CDKAL1: variants seen among roughly 807,000 people sequenced by gnomAD.
CDKAL1 encodes the protein CDKAL1 threonylcarbamoyladenosine tRNA methylthiotransferase.
A neutral mutation model predicts 68.2 loss-of-function variants in CDKAL1; 32 were observed. The ratio of observed to expected loss-of-function variants is 0.47; its 90% CI spans 0.35 to 0.63. CDKAL1 has a LOEUF of 0.63. Among genes scored for constraint, CDKAL1 ranks in the 30% least tolerant of loss-of-function variants. The pLI is 0.00. For synonymous variants in CDKAL1, 234 were observed against 244.3 expected (o/e 0.96, Z 0.39); for missense variants, 606 against 696.7 (o/e 0.87, Z 1.47).
At chr6:21,060,174 G>A (rs1771069401) in intron 11 of CDKAL1, among the ~76,000 whole-genome samples, 1 of 152,138 alleles carries the variant, frequency 6.6e-6, no homozygotes, top group Admixed American at 6.5e-5. Flanking sequence ...GGGTGGTTTT[G>A]TTTTGTGTTG....
chr6:20,536,323 A>G (rs527774067), intron 2 of CDKAL1, among the ~76,000 whole-genome samples: 4 of 152,278 alleles, frequency 2.6e-5, no homozygotes, highest in South Asian at 2.1e-4. Context: ...CTACTCTAAC[A>G]TCATAAAGAT....
At chr6:20,988,182 A>ATG (rs58720900) in intron 10 of CDKAL1, among the ~76,000 whole-genome samples, 5,275 of 137,424 alleles carry the variant, frequency 0.038, 147 homozygotes, top group African/African-American at 0.076. Context: ...GAAACATAAT[A>ATG]TGTGTGTGTG....
chr6:20,565,322 A>G (rs1317560611), intron 4 of CDKAL1, among the ~76,000 whole-genome samples: 2 of 152,056 alleles, frequency 1.3e-5, no homozygotes, highest in African/African-American at 4.8e-5. Flanking sequence ...AAAAGTAGGG[A>G]CTATTTTGAG....
rs77876355 is a variant in CDKAL1, at chr6:20,808,327, T to A, written c.638+27062T>A. Among the ~76,000 whole-genome samples, 115 of 152,306 alleles carry A rather than the reference T, an allele frequency of 7.6e-4. No individual in the cohort carries two copies. In the East Asian group the frequency reaches 9.1e-3, roughly 12 times the overall value. On this transcript the variant is annotated intron_variant, in intron 8 of 15. Coordinates refer to ENST00000274695, the MANE Select transcript of CDKAL1 (RefSeq NM_017774.3). Reference sequence around the variant, plus strand: ...GTTGTCAATGAAAAGCTTATGGTAATTGTTTTCACTCTTATTATGTAAGTA... The same window carrying A: ...GTTGTCAATGAAAAGCTTATGGTAAATGTTTTCACTCTTATTATGTAAGTA...
intron 7 of CDKAL1, among the ~76,000 whole-genome samples, chr6:20,780,119 A>G (rs4074058): frequency 0.38 from 55,455 of 147,412 alleles, 10,636 homozygotes; most frequent in Non-Finnish European, 0.42. Flanking sequence ...AAAAAAAAAA[A>G]AGACAAAATG....
intron 9 of CDKAL1, among the ~76,000 whole-genome samples, chr6:20,853,340 C>T (rs1759120265): frequency 6.7e-6 from 1 of 149,526 alleles, no homozygotes. Flanking sequence ...AAGATCGTGC[C>T]ACTGCACTCC....
rs1561963106 is a variant in CDKAL1 at position 20,609,303 on chromosome 6, C to CTTCTCCTTCTTCTCCTT, written c.287-39990_287-39989insTTCTCCTTCTTCTCCTT. On this transcript the variant is annotated intron_variant, in intron 4 of 15. Coordinates refer to ENST00000274695, the MANE Select transcript of CDKAL1 (RefSeq NM_017774.3). ...TCCTTCTCCTTCTTCTCCTTCTCCT[C>CTTCTCCTTCTTCTCCTT]CTCCTCCTCCCCCCTCCTCTCTCCC... is the stretch of plus-strand genomic sequence containing the variant. Among the ~76,000 whole-genome samples, 7 of 27,824 alleles carry CTTCTCCTTCTTCTCCTT rather than the reference C, an allele frequency of 2.5e-4. No individual in the cohort carries two copies. In the Admixed American group the frequency reaches 3.3e-3, roughly 13 times the overall value. 18.3% of individuals were successfully genotyped at this position (27,824 alleles called of 152,430 possible).
chr6:20,768,186 C>G (rs1216163721), intron 7 of CDKAL1, among the ~76,000 whole-genome samples: 1 of 152,156 alleles, frequency 6.6e-6, no homozygotes, highest in Non-Finnish European at 1.5e-5. Context: ...TTGATTGAGA[C>G]TATGAAGAGC....
At chr6:21,158,477 G>A (rs1236227489) in intron 13 of CDKAL1, among the ~76,000 whole-genome samples, 1 of 152,174 alleles carries the variant, frequency 6.6e-6, no homozygotes, top group Non-Finnish European at 1.5e-5. Flanking sequence ...GTGGGTTGGA[G>A]GGGACTCAAA....
At chr6:20,779,233 C>A (rs923853319) in intron 7 of CDKAL1, among the ~76,000 whole-genome samples, 1 of 152,162 alleles carries the variant, frequency 6.6e-6, no homozygotes, top group Non-Finnish European at 1.5e-5. Flanking sequence ...GCAGTTGTTT[C>A]TTAAAATGTT....
chr6:20,743,511 A>T (rs972240723), intron 6 of CDKAL1, among the ~76,000 whole-genome samples: 1 of 152,206 alleles, frequency 6.6e-6, no homozygotes, highest in Non-Finnish European at 1.5e-5. Flanking sequence ...AATTACTACC[A>T]TCATAACATG....
At chr6:20,745,563 C>T (rs1329182180) in intron 6 of CDKAL1, among the ~76,000 whole-genome samples, 1 of 152,018 alleles carries the variant, frequency 6.6e-6, no homozygotes, top group Admixed American at 6.6e-5. Flanking sequence ...CTTTTTTTGG[C>T]ATCTTCTAAT....
At chr6:21,218,629 T>C (rs1024830111) in intron 15 of CDKAL1, among the ~76,000 whole-genome samples, 9 of 152,220 alleles carry the variant, frequency 5.9e-5, no homozygotes, top group Non-Finnish European at 1.0e-4. Context: ...CTTGGCTGGC[T>C]ATTGGTCAGA....
At chr6:20,810,027 T>C (rs1776728656) in intron 8 of CDKAL1, among the ~76,000 whole-genome samples, 2 of 152,198 alleles carry the variant, frequency 1.3e-5, no homozygotes, top group African/African-American at 2.4e-5. Context: ...TCTAAACTTT[T>C]AGATGGACAG....
intron 9 of CDKAL1, among the ~76,000 whole-genome samples, chr6:20,862,375 T>G (rs1441968426): frequency 2.0e-5 from 3 of 152,224 alleles, no homozygotes; most frequent in Non-Finnish European, 4.4e-5. Context: ...TCTGTGACCT[T>G]AAGAAAGTTA....
chr6:20,702,642 C>T (rs1472463915), intron 5 of CDKAL1, among the ~76,000 whole-genome samples: 1 of 152,094 alleles, frequency 6.6e-6, no homozygotes, highest in Non-Finnish European at 1.5e-5. Context: ...GACGTCCTCT[C>T]GATATCCAGC....
intron 13 of CDKAL1, among the ~76,000 whole-genome samples, chr6:21,125,884 C>T (rs1321299048): frequency 6.6e-6 from 1 of 152,106 alleles, no homozygotes; most frequent in Non-Finnish European, 1.5e-5. Flanking sequence ...TCTGTGCTTC[C>T]CCGACCTCAT....
At chr6:21,102,135 A>T (rs1773606316) in intron 12 of CDKAL1, among the ~76,000 whole-genome samples, 1 of 151,452 alleles carries the variant, frequency 6.6e-6, no homozygotes, top group African/African-American at 2.4e-5. Flanking sequence ...CCCAACTAGG[A>T]CTCCCTTTTC....
At chr6:21,050,950 A>C (rs1444682042) in intron 11 of CDKAL1, among the ~76,000 whole-genome samples, 2 of 152,246 alleles carry the variant, frequency 1.3e-5, no homozygotes, top group Non-Finnish European at 2.9e-5. Flanking sequence ...ACTGTGAAAA[A>C]GATCACATTT....
Sources: allele counts gnomAD v4.1 joint callset (sites outside exome capture counted in the v4.1 genomes callset), GRCh38; gene constraint gnomAD v4.1.1; transcripts MANE v1.5; gene names NCBI Gene and HGNC (gene_info 2026-07-23, HGNC 2026-07-21).